CHST11: variants seen among roughly 807,000 people sequenced by gnomAD.
CHST11 encodes the protein C4S-1.
Under a neutral mutation model 30.4 loss-of-function variants are expected in CHST11, and 9 were observed. That is an observed-to-expected ratio of 0.30 (90% confidence interval 0.18 to 0.52). CHST11 has a LOEUF of 0.52. CHST11 is among the 20% of genes least tolerant of loss of function. The probability of loss-of-function intolerance (pLI) is 0.97; values close to 1 mark genes in which losing one functional copy is unlikely to be tolerated. For missense variants in CHST11, 348 were observed against 460.6 expected (o/e 0.76, Z 2.24); for synonymous variants, 152 against 187.8 (o/e 0.81, Z 1.56).
intron 1 of CHST11, among the ~76,000 whole-genome samples, chr12:104,485,166 C>A (rs1446952829): frequency 6.6e-6 from 1 of 152,126 alleles, no homozygotes; most frequent in Non-Finnish European, 1.5e-5. Flanking sequence ...TCACCTGAGT[C>A]TCACTCAAAA....
At chr12:104,549,592 G>A (rs1484541897) in intron 1 of CHST11, among the ~76,000 whole-genome samples, 9 of 152,180 alleles carry the variant, frequency 5.9e-5, no homozygotes, top group African/African-American at 2.2e-4. Flanking sequence ...AGAAATCGAT[G>A]TAAGGAGATT....
intron 2 of CHST11, among the ~76,000 whole-genome samples, chr12:104,622,668 G>A (rs1312979851): frequency 6.6e-6 from 1 of 152,202 alleles, no homozygotes; most frequent in Non-Finnish European, 1.5e-5. Context: ...ACCCCTGCCA[G>A]GCACTAGCTG....
intron 2 of CHST11, among the ~76,000 whole-genome samples, chr12:104,617,679 T>G (rs2039121754): frequency 6.6e-6 from 1 of 152,200 alleles, no homozygotes; most frequent in African/African-American, 2.4e-5. Context: ...GTTAAAACTG[T>G]GGGTTCTCAG....
chr12:104,605,233 T>G lies in CHST11; in HGVS notation c.204+3242T>G, dbSNP rs2038993669. On this transcript the variant is annotated intron_variant, in intron 2 of 2. Coordinates refer to ENST00000303694, the MANE Select transcript of CHST11 (RefSeq NM_018413.6). ...GAAAATTGGGAAATTTTGGCTATAATCTGGGAAAACTGGCTATAATATGGG... is the reference window on the plus strand; with the variant it reads ...GAAAATTGGGAAATTTTGGCTATAAGCTGGGAAAACTGGCTATAATATGGG... 2.0e-5 allele frequency among the ~76,000 whole-genome samples: 3 copies of G among 151,488 alleles called. No individual in the cohort carries two copies. In the South Asian group the frequency reaches 6.3e-4, roughly 32 times the overall value.
At chr12:104,703,978 G>C (rs1468574691) in intron 2 of CHST11, among the ~76,000 whole-genome samples, 1 of 152,184 alleles carries the variant, frequency 6.6e-6, no homozygotes, top group African/African-American at 2.4e-5. Flanking sequence ...TTCTTGTAAC[G>C]GCTCCTTAGG....
chr12:104,503,584 C>T (rs893955988), intron 1 of CHST11, among the ~76,000 whole-genome samples: 1 of 152,190 alleles, frequency 6.6e-6, no homozygotes, highest in African/African-American at 2.4e-5. Context: ...TCCATTCTCT[C>T]ACTTGGGAGC....
At chr12:104,500,634 T>C (rs558594370) in intron 1 of CHST11, among the ~76,000 whole-genome samples, 16 of 152,188 alleles carry the variant, frequency 1.1e-4, no homozygotes, top group Non-Finnish European at 1.9e-4. Context: ...AATGATGACA[T>C]TGGCTCTCTT....
intron 1 of CHST11, among the ~76,000 whole-genome samples, chr12:104,490,824 G>A (rs1447371828): frequency 6.6e-6 from 1 of 152,132 alleles, no homozygotes; most frequent in Non-Finnish European, 1.5e-5. Context: ...TTGATCTCAG[G>A]AGTGTTTATT....
At chr12:104,556,537 C>G (rs2038456895) in intron 1 of CHST11, among the ~76,000 whole-genome samples, 1 of 152,210 alleles carries the variant, frequency 6.6e-6, no homozygotes, top group Non-Finnish European at 1.5e-5. Context: ...ATGTCTCTCT[C>G]CTGGCTTCTG....
intron 1 of CHST11, among the ~76,000 whole-genome samples, chr12:104,544,600 A>G (rs2038324585): frequency 1.3e-5 from 2 of 151,440 alleles, no homozygotes; most frequent in Admixed American, 1.3e-4. Context: ...CCAGCTACTC[A>G]GGAGGCTGAT....
chr12:104,714,716 T>A lies in CHST11; in HGVS notation c.205-42233T>A, dbSNP rs144048224. Reference sequence around the variant, plus strand: ...GAGCACAGCACAGCCCAGCGTAGTGTAGGATTTATTTTAGGTGCAGCGTGG... The same window carrying A: ...GAGCACAGCACAGCCCAGCGTAGTGAAGGATTTATTTTAGGTGCAGCGTGG... On this transcript the variant is annotated intron_variant, in intron 2 of 2. Coordinates refer to ENST00000303694, the MANE Select transcript of CHST11 (RefSeq NM_018413.6). Among the ~76,000 whole-genome samples the A allele has an allele frequency of 1.1e-4, 16 of 152,198 alleles. No individual in the cohort carries two copies. The East Asian group carries it at 3.1e-3, about 29-fold the overall frequency.
chr12:104,529,853 C>A (rs1228328488), intron 1 of CHST11, among the ~76,000 whole-genome samples: 1 of 152,158 alleles, frequency 6.6e-6, no homozygotes, highest in Non-Finnish European at 1.5e-5. Context: ...TAGCTGGATG[C>A]CCAACTAAAA....
At chr12:104,666,581 G>A (rs1009561322) in intron 2 of CHST11, among the ~76,000 whole-genome samples, 14 of 152,168 alleles carry the variant, frequency 9.2e-5, no homozygotes, top group Non-Finnish European at 1.8e-4. Context: ...GAATAAAATG[G>A]GATGGAATAA....
intron 2 of CHST11, among the ~76,000 whole-genome samples, chr12:104,648,702 T>C (rs185334493): frequency 6.6e-6 from 1 of 152,144 alleles, no homozygotes; most frequent in East Asian, 1.9e-4. Context: ...TAATCCCAGC[T>C]ACTCGGGAGG....
At chr12:104,532,105 C>T (rs973713417) in intron 1 of CHST11, among the ~76,000 whole-genome samples, 1 of 152,154 alleles carries the variant, frequency 6.6e-6, no homozygotes, top group African/African-American at 2.4e-5. Flanking sequence ...CTTCTCCCAC[C>T]GTCTCTTTCC....
intron 2 of CHST11, among the ~76,000 whole-genome samples, chr12:104,691,387 C>G (rs980318761): frequency 1.3e-5 from 2 of 151,994 alleles, no homozygotes; most frequent in African/African-American, 4.8e-5. Flanking sequence ...CCAGCATTCC[C>G]CAAAGCATGC....
intron 2 of CHST11, among the ~76,000 whole-genome samples, chr12:104,740,811 G>A (rs190961925): frequency 1.3e-5 from 2 of 152,084 alleles, no homozygotes; most frequent in Non-Finnish European, 2.9e-5. Context: ...TCATGTCCTC[G>A]GCCATGGCCT....
At chr12:104,559,908 A>T (rs1241389664) in intron 1 of CHST11, among the ~76,000 whole-genome samples, 1 of 152,248 alleles carries the variant, frequency 6.6e-6, no homozygotes, top group African/African-American at 2.4e-5. Flanking sequence ...CCATTTTAAA[A>T]GTAGTGGAGA....
Position 104,757,070 on chromosome 12 carries a change from A to G in CHST11, c.326A>G (p.His109Arg). The change falls in exon 3 of 3, where the codon CAC (histidine) becomes CGC (arginine). Residue 109 changes from histidine (H) to arginine (R), a missense_variant. This residue lies in a region of CHST11 where 135 missense variants were observed against 155.8 expected (regional missense o/e 0.87). Transcript: ENST00000303694. The surrounding 1 kb of genome is among the most constrained non-coding windows in gnomAD (Gnocchi z 6.5). Reference protein sequence around the residue: ...RRVLTPNDLKHLVVDEDHELI... With the variant: ...RRVLTPNDLKRLVVDEDHELI... ...GTGCTGACCCCCAACGACCTGAAGCACTTGGTGGTGGATGAGGACCACGAG... is the reference window on the plus strand; with the variant it reads ...GTGCTGACCCCCAACGACCTGAAGCGCTTGGTGGTGGATGAGGACCACGAG... The G allele has an allele frequency of 6.2e-7, 1 of 1,614,116 alleles. No individual in the cohort carries two copies. The highest frequency in any genetic ancestry group is 8.5e-7 in the Non-Finnish European group (1 of 1,180,028).
Sources: allele counts gnomAD v4.1 joint callset (sites outside exome capture counted in the v4.1 genomes callset), GRCh38; gene constraint gnomAD v4.1.1; regional missense constraint gnomAD v4.1.1; non-coding constraint Gnocchi (gnomAD v3.1); transcripts MANE v1.5; gene names NCBI Gene and HGNC (gene_info 2026-07-23, HGNC 2026-07-21).